ATP1A3: variants seen among roughly 807,000 people sequenced by gnomAD.
ATP1A3 encodes the protein sodium/potassium-transporting ATPase subunit alpha-3.
Under a neutral mutation model 108.8 loss-of-function variants are expected in ATP1A3, and 12 were observed. The observed-to-expected ratio is 0.11, with a 90% CI of 0.07 to 0.18. ATP1A3 has a LOEUF of 0.18. ATP1A3 is among the 10% of genes least tolerant of loss of function. ATP1A3 has a pLI of 1.00. For synonymous variants in ATP1A3, 539 were observed against 564.5 expected, an observed-to-expected ratio of 0.95 and a Z score of 0.64; for missense variants, 498 against 1,387.7, an observed-to-expected ratio of 0.36 and a Z score of 10.19.
chr19:41,974,368 C>T (rs1352853906), intron 16 of ATP1A3, among the ~76,000 whole-genome samples: 1 of 151,986 alleles, frequency 6.6e-6, no homozygotes, highest in Non-Finnish European at 1.5e-5. Flanking sequence ...GATTAAGTCC[C>T]GGAGGTGGAG....
At chr19:41,972,358 G>T (rs1490271886) in intron 16 of ATP1A3, among the ~76,000 whole-genome samples, 1 of 152,130 alleles carries the variant, frequency 6.6e-6, no homozygotes, top group Admixed American at 6.6e-5. Flanking sequence ...GGAGGTCGAG[G>T]TTGCAGTGAC....
rs199984360 is a variant in ATP1A3, at chr19:41,978,004, A to C, written c.1875T>G (p.Ser625=). Reference sequence around the variant, plus strand: ...TGTCCTCCACAGTCTCGTTGCCCTCAGAGATGATGCCCACACCCTTGGCAA... The same window carrying C: ...TGTCCTCCACAGTCTCGTTGCCCTCCGAGATGATGCCCACACCCTTGGCAA... ...KAIAKGVGII[S]EGNETVEDIA... Residue 625 remains serine (S), a synonymous_variant, in exon 14 of 23, where the codon TCT becomes TCG. Coordinates refer to ENST00000648268, the MANE Select transcript of ATP1A3 (RefSeq NM_152296.5). This position sits in a 1 kb window ranked among gnomAD's most constrained non-coding sequence, Gnocchi z 8.3. 1 of 1,614,254 alleles carries C rather than the reference A, an allele frequency of 6.2e-7. No individual in the cohort carries two copies. Among genetic ancestry groups the C allele is most frequent in the Admixed American group, 1.7e-5 (1 of 60,032 alleles).
Position 41,981,824 on chromosome 19 carries a change from T to C in ATP1A3, c.1200A>G (p.Ser400=). ...CCCAGGTGTGCGAACTCTTGTCAAA[T>C]GAGGTCCCTGGGGGAGGCATGTGTG... ...ADTTEDQSGT[S]FDKSSHTWVA... Residue 400 remains serine, a synonymous_variant, in exon 10 of 23, where the codon TCA becomes TCG. Coordinates refer to ENST00000648268, the MANE Select transcript of ATP1A3 (RefSeq NM_152296.5). The surrounding 1 kb of genome is among the most constrained non-coding windows in gnomAD (Gnocchi z 5.0). 6.2e-7 allele frequency: 1 copy of C among 1,614,190 alleles called. No individual in the cohort carries two copies. Among genetic ancestry groups the C allele is most frequent in the Non-Finnish European group, 8.5e-7 (1 of 1,180,022 alleles).
intron 16 of ATP1A3, among the ~76,000 whole-genome samples, chr19:41,975,415 C>G (rs2075155386): frequency 6.6e-6 from 1 of 152,190 alleles, no homozygotes; most frequent in Non-Finnish European, 1.5e-5. Context: ...CTGGATGACG[C>G]AGGGACCCTG....
chr19:41,978,361 C>A lies in ATP1A3; in HGVS notation c.1631-35G>T. 1 of 1,570,308 alleles carries A rather than the reference C, an allele frequency of 6.4e-7. No homozygotes were observed. Among genetic ancestry groups the A allele is most frequent in the South Asian group, 1.2e-5 (1 of 86,348 alleles). ...GGGAAGGGTTGGGGTGTGAGGGTCCCAGCCTCGGAACCTCCGCCCCATGCC... is the reference window on the plus strand; with the variant it reads ...GGGAAGGGTTGGGGTGTGAGGGTCCAAGCCTCGGAACCTCCGCCCCATGCC... On this transcript the variant is annotated intron_variant, in intron 12 of 22. Transcript: ENST00000648268. This position sits in a 1 kb window ranked among gnomAD's most constrained non-coding sequence, Gnocchi z 8.3.
At position 41,970,182 on chromosome 19, in the gene ATP1A3, C is replaced by T. The variant is rs781845159; in HGVS notation, c.2542+3G>A. 2 of 1,614,248 alleles carry T rather than the reference C, an allele frequency of 1.2e-6. No individual in the cohort carries two copies. Among genetic ancestry groups the T allele is most frequent in the Non-Finnish European group, 1.7e-6 (2 of 1,180,036 alleles). The stretch of plus-strand genomic sequence containing the variant: ...TAAGGAGATGGAGTCCCCGGTGCCT[C>T]ACCAATCTGCCCGTAGGCCATGCTG... On this transcript the variant is annotated splice_donor_region_variant and intron_variant, in intron 18 of 22. Coordinates refer to ENST00000648268, the MANE Select transcript of ATP1A3 (RefSeq NM_152296.5).
Position 41,988,207 on chromosome 19 carries a change from C to T in ATP1A3, c.154-68G>A. On this transcript the variant is annotated intron_variant, in intron 3 of 22. Transcript: ENST00000648268. The surrounding 1 kb of genome is among the most constrained non-coding windows in gnomAD (Gnocchi z 5.3). Reference sequence around the variant, plus strand: ...CTGGCACCCCAGGCCTTCACCAGACCCCCAGAACTTAAGACACCAGCCACA... The same window carrying T: ...CTGGCACCCCAGGCCTTCACCAGACTCCCAGAACTTAAGACACCAGCCACA... The T allele has an allele frequency of 6.2e-7, 1 of 1,612,398 alleles. No individual in the cohort carries two copies. The highest frequency in any genetic ancestry group is 1.7e-5 in the Admixed American group (1 of 60,002).
Position 41,981,912 on chromosome 19 carries a change from C to T in ATP1A3, c.1188G>A (p.Gln396=). The T allele has an allele frequency of 6.2e-7, 1 of 1,614,262 alleles. No homozygotes were observed. Among genetic ancestry groups the T allele is most frequent in the Non-Finnish European group, 8.5e-7 (1 of 1,180,042 alleles). Residue 396 remains glutamine (Q), a synonymous_variant, in exon 9 of 23, where the codon CAG becomes CAA. Coordinates refer to ENST00000648268, the MANE Select transcript of ATP1A3 (RefSeq NM_152296.5). The surrounding 1 kb of genome is among the most constrained non-coding windows in gnomAD (Gnocchi z 5.0). ...TCACCCGGGGCCTGCGCTCACCTGA[C>T]TGGTCCTCAGTGGTGTCAGCCTCGT... The part of the protein sequence containing the change: ...QIHEADTTED[Q]SGTSFDKSSH...
At chr19:41,982,137 A>G (rs782280734) in intron 8 of ATP1A3, 31 bp from the exon 9 acceptor site, 1 of 1,613,798 alleles carries the variant, frequency 6.2e-7, no homozygotes. Context: ...GGCAAGTTAC[A>G]GGGACAAGCC....
chr19:41,978,372 C>T lies in ATP1A3; in HGVS notation c.1631-46G>A. Reference sequence around the variant, plus strand: ...GGGTGTGAGGGTCCCAGCCTCGGAACCTCCGCCCCATGCCCCTAGATGTCT... The same window carrying T: ...GGGTGTGAGGGTCCCAGCCTCGGAATCTCCGCCCCATGCCCCTAGATGTCT... On this transcript the variant is annotated intron_variant, in intron 12 of 22. Transcript: ENST00000648268. The surrounding 1 kb of genome is among the most constrained non-coding windows in gnomAD (Gnocchi z 8.3). The T allele has an allele frequency of 6.4e-7, 1 of 1,561,146 alleles. No homozygotes were observed. Among genetic ancestry groups the T allele is most frequent in the Non-Finnish European group, 8.7e-7 (1 of 1,152,290 alleles).
intron 14 of ATP1A3, among the ~76,000 whole-genome samples, chr19:41,976,799 T>C (rs2075175817): frequency 6.6e-6 from 1 of 151,778 alleles, no homozygotes; most frequent in African/African-American, 2.4e-5. Context: ...TATTTATTTA[T>C]TTATTATTTA....
At chr19:41,987,681 G>T (rs556783674) in intron 4 of ATP1A3, among the ~76,000 whole-genome samples, 1 of 152,156 alleles carries the variant, frequency 6.6e-6, no homozygotes, top group Non-Finnish European at 1.5e-5. Context: ...TCTCAAGGCC[G>T]CTGAGGTCAC....
chr19:41,970,124 G>T, intron 18 of ATP1A3, 61 bp downstream of exon 18: 1 of 1,613,734 alleles, frequency 6.2e-7, no homozygotes. Flanking sequence ...CCCACGGTGG[G>T]CCAGGCACTG....
chr19:41,968,988 C>A lies in ATP1A3; in HGVS notation c.2689-73G>T. 6.2e-7 allele frequency: 1 copy of A among 1,606,840 alleles called. No individual in the cohort carries two copies. The highest frequency in any genetic ancestry group is 1.1e-5 in the South Asian group (1 of 90,640). On this transcript the variant is annotated intron_variant, in intron 19 of 22. Transcript: ENST00000648268. The surrounding 1 kb of genome is among the most constrained non-coding windows in gnomAD (Gnocchi z 5.0). ...AGCCCTAGCCGCCACCCCGACGTTC[C>A]GGTGCTCTTTGCCCCGCCCCATCCT... is the stretch of plus-strand genomic sequence containing the variant.
At chr19:41,990,941 T>C (rs782672334) in intron 1 of ATP1A3, 2 of 152,386 alleles carry the variant, frequency 1.3e-5, no homozygotes, top group Non-Finnish European at 2.9e-5. Flanking sequence ...CTCTCTGGGA[T>C]CTTCCATGTG....
chr19:41,986,176 G>A lies in ATP1A3; in HGVS notation c.411C>T (p.Ser137=). Residue 137 remains serine, a synonymous_variant, in exon 5 of 23, where the codon TCC becomes TCT. Coordinates refer to ENST00000648268, the MANE Select transcript of ATP1A3 (RefSeq NM_152296.5). The part of the protein sequence containing the change: ...AAVVIITGCF[S]YYQEAKSSKI... ...TGGAGCTCTTGGCCTCCTGGTAGTA[G>A]GAGAAGCAGCCAGTGATGATCACCA... is the stretch of plus-strand genomic sequence containing the variant. 6.2e-7 allele frequency: 1 copy of A among 1,614,156 alleles called. No individual in the cohort carries two copies. Among genetic ancestry groups the A allele is most frequent in the South Asian group, 1.1e-5 (1 of 91,080 alleles).
At chr19:41,993,526 CACA>C in intron 1 of ATP1A3, 2 of 1,245,464 alleles carry the variant, frequency 1.6e-6, no homozygotes, top group Non-Finnish European at 2.2e-6. Flanking sequence ...CACACACACA[CACA>C]CACACACACA....
intron 16 of ATP1A3, among the ~76,000 whole-genome samples, chr19:41,973,242 G>A (rs1005412881): frequency 1.3e-5 from 2 of 152,088 alleles, no homozygotes; most frequent in East Asian, 1.9e-4. Context: ...GAATGCCCCC[G>A]TTGGAAGTTA....
chr19:41,968,715 A>G lies in ATP1A3; in HGVS notation c.2819+70T>C. 6.2e-7 allele frequency: 1 copy of G among 1,605,604 alleles called. No individual in the cohort carries two copies. The highest frequency in any genetic ancestry group is 1.7e-5 in the Admixed American group (1 of 59,734). ...AAACCAAAGCAAGGACACAAGAGGA[A>G]GTACACAGACAGACAGACACTCGGA... On this transcript the variant is annotated intron_variant, in intron 20 of 22. Coordinates refer to ENST00000648268, the MANE Select transcript of ATP1A3 (RefSeq NM_152296.5). The surrounding 1 kb of genome is among the most constrained non-coding windows in gnomAD (Gnocchi z 5.0).
Sources: gnomAD v4.1 joint callset for allele counts (sites outside exome capture counted in the v4.1 genomes callset) on GRCh38, gnomAD v4.1.1 for gene constraint, Gnocchi (gnomAD v3.1) non-coding constraint, MANE v1.5 for transcripts, NCBI Gene and HGNC (gene_info 2026-07-23, HGNC 2026-07-21) for gene names.